DCAF10: variants seen among roughly 807,000 people sequenced by gnomAD.
DCAF10 encodes DDB1 and CUL4 associated factor 10.
DCAF10 carries 19 observed loss-of-function variants against 51.9 expected under a neutral mutation model. The observed-to-expected ratio is 0.37, with a 90% CI of 0.26 to 0.54. DCAF10 has a LOEUF of 0.54. Ranked by LOEUF, DCAF10 falls within the 20% of genes least tolerant of loss-of-function variation. The pLI is 0.87. For missense variants in DCAF10, 510 were observed against 730.6 expected (o/e 0.70, Z 3.48); for synonymous variants, 291 against 297.1 (o/e 0.98, Z 0.21).
intron 2 of DCAF10, among the ~76,000 whole-genome samples, chr9:37,823,847 C>T (rs1829775752): frequency 6.7e-6 from 1 of 149,970 alleles, no homozygotes; most frequent in African/African-American, 2.4e-5. Context: ...TCTTCAAAAT[C>T]CAGTTTGTAT....
intron 3 of DCAF10, among the ~76,000 whole-genome samples, chr9:37,851,866 C>CCGAAA (rs1554690129): frequency 0.023 from 3,461 of 150,856 alleles, 122 homozygotes; most frequent in African/African-American, 0.079. Flanking sequence ...GAAAAAGATA[C>CCGAAA]TGAAATGAAA....
chr9:37,803,159 A>T (rs374238163), intron 1 of DCAF10, among the ~76,000 whole-genome samples: 1 of 152,188 alleles, frequency 6.6e-6, no homozygotes, highest in South Asian at 2.1e-4. Context: ...CAATTAACAT[A>T]TATGCTCATT....
intron 2 of DCAF10, among the ~76,000 whole-genome samples, chr9:37,822,074 C>T (rs562641533): frequency 5.6e-4 from 85 of 152,246 alleles, no homozygotes; most frequent in African/African-American, 1.9e-3. Flanking sequence ...GCGATACCGC[C>T]TTACTCCTGT....
At chr9:37,824,543 G>A (rs1469161034) in intron 2 of DCAF10, among the ~76,000 whole-genome samples, 2 of 147,542 alleles carry the variant, frequency 1.4e-5, no homozygotes, top group Non-Finnish European at 3.0e-5. Flanking sequence ...TAAAAGGATA[G>A]TTTAAAAAAG....
intron 2 of DCAF10, among the ~76,000 whole-genome samples, chr9:37,837,044 G>C (rs111252908): frequency 0.19 from 29,061 of 152,122 alleles, 3,174 homozygotes; most frequent in African/African-American, 0.29. Context: ...ATGATCTTAA[G>C]AAATTACTAG....
chr9:37,857,159 G>T (rs1156286608), intron 4 of DCAF10, 82 bp from the exon 5 acceptor site: 2 of 1,106,732 alleles, frequency 1.8e-6, no homozygotes, highest in South Asian at 1.6e-5. Context: ...TTAAAACTAT[G>T]GTTCGAGTAG....
chr9:37,817,475 G>A (rs1829576782), intron 1 of DCAF10, among the ~76,000 whole-genome samples: 2 of 152,100 alleles, frequency 1.3e-5, no homozygotes, highest in South Asian at 2.1e-4. Flanking sequence ...GCGGGTGCCT[G>A]TAATCCCAGT....
Position 37,861,785 on chromosome 9 carries a change from T to C in DCAF10, c.*277T>C, listed in dbSNP as rs1831027048. The C allele has an allele frequency of 3.0e-6, 1 of 331,500 alleles. No individual in the cohort carries two copies. The highest frequency in any genetic ancestry group is 2.0e-5 in the African/African-American group (1 of 48,992). 20.5% of individuals were successfully genotyped at this position (331,500 alleles called of 1,614,324 possible). Reference sequence around the variant, plus strand: ...CAGTTCTTCTGGTCATTTTGCATGGTAGCTCTTGTCACGTTCCTTCCTTCC... The same window carrying C: ...CAGTTCTTCTGGTCATTTTGCATGGCAGCTCTTGTCACGTTCCTTCCTTCC... On this transcript the variant is annotated 3_prime_UTR_variant, in exon 7 of 7. Transcript: ENST00000377724. The surrounding 1 kb of genome is among the most constrained non-coding windows in gnomAD (Gnocchi z 4.9).
rs1828959134 is a variant in DCAF10 at position 37,801,811 on chromosome 9, A to G, written c.539+406A>G. 6.6e-6 allele frequency among the ~76,000 whole-genome samples: 1 copy of G among 152,178 alleles called. No individual in the cohort carries two copies. Among genetic ancestry groups the G allele is most frequent in the African/African-American group, 2.4e-5 (1 of 41,448 alleles). On this transcript the variant is annotated intron_variant, in intron 1 of 6. Coordinates refer to ENST00000377724, the MANE Select transcript of DCAF10 (RefSeq NM_024345.5). This position sits in a 1 kb window ranked among gnomAD's most constrained non-coding sequence, Gnocchi z 5.5. ...CTACCTAAACCTGTGTCGGGGTAGG[A>G]AAGCTGTAGATTCCTTGCACTCTGT... is the stretch of plus-strand genomic sequence containing the variant.
chr9:37,826,180 C>CTA (rs1323320622), intron 2 of DCAF10, among the ~76,000 whole-genome samples: 1 of 150,644 alleles, frequency 6.6e-6, no homozygotes, highest in African/African-American at 2.4e-5. Context: ...CCAGAATATA[C>CTA]AAGGGACTCC....
chr9:37,831,305 A>AT (rs1417796211), intron 2 of DCAF10, among the ~76,000 whole-genome samples: 1 of 152,182 alleles, frequency 6.6e-6, no homozygotes, highest in Admixed American at 6.5e-5. Flanking sequence ...ACTAACTTCC[A>AT]TTTTTTAATG....
At position 37,802,177 on chromosome 9, in the gene DCAF10, A is replaced by T. The variant is rs111310293; in HGVS notation, c.539+772A>T. On this transcript the variant is annotated intron_variant, in intron 1 of 6. Transcript: ENST00000377724. ...TGTTTACTCAGTTGTTCATTCATTCATTCTCTCATTCGGCGTATATTTGTT... is the reference window on the plus strand; with the variant it reads ...TGTTTACTCAGTTGTTCATTCATTCTTTCTCTCATTCGGCGTATATTTGTT... Among the ~76,000 whole-genome samples, 831 of 152,302 alleles carry T rather than the reference A, an allele frequency of 5.5e-3. 6 individuals carry two copies. Among genetic ancestry groups the T allele is most frequent in the Middle Eastern group, 0.024 (7 of 294 alleles).
chr9:37,821,950 C>T (rs1029604267), intron 2 of DCAF10, among the ~76,000 whole-genome samples: 1 of 151,540 alleles, frequency 6.6e-6, no homozygotes, highest in Non-Finnish European at 1.5e-5. Context: ...AAAAATTGGG[C>T]TAAGGAAATG....
chr9:37,814,127 T>TATATATTTGTTGTTG (rs1554685262), intron 1 of DCAF10, among the ~76,000 whole-genome samples: 1 of 100,634 alleles, frequency 9.9e-6, no homozygotes, highest in African/African-American at 4.1e-5. Flanking sequence ...TATATATATA[T>TATATATTTGTTGTTG]TTGTTGTTGT....
rs1178059149 is a variant in DCAF10, at chr9:37,867,504, T to C, written c.*5996T>C. 1 of 151,824 alleles carries C rather than the reference T, an allele frequency of 6.6e-6. No individual in the cohort carries two copies. The highest frequency in any genetic ancestry group is 6.6e-5 in the Admixed American group (1 of 15,180). The allele number at this position is 151,824 out of a possible 1,614,324, so 9.4% of individuals were successfully genotyped here. A position where few individuals can be genotyped will look rare whatever the true frequency, so the allele number is the denominator to read the frequency against. On this transcript the variant is annotated 3_prime_UTR_variant, in exon 7 of 7. Coordinates refer to ENST00000377724, the MANE Select transcript of DCAF10 (RefSeq NM_024345.5). Reference sequence around the variant, plus strand: ...GGAGTATTCCAGACAATATACTAGATACCCAGAAACTTTTCTCAGTAGGTT... The same window carrying C: ...GGAGTATTCCAGACAATATACTAGACACCCAGAAACTTTTCTCAGTAGGTT...
intron 2 of DCAF10, among the ~76,000 whole-genome samples, chr9:37,831,496 A>G (rs1483704464): frequency 6.6e-6 from 1 of 152,218 alleles, no homozygotes; most frequent in African/African-American, 2.4e-5. Flanking sequence ...ACTCAGTTCC[A>G]TTAGATCACC....
chr9:37,827,054 G>A (rs972357857), intron 2 of DCAF10, among the ~76,000 whole-genome samples: 1 of 152,022 alleles, frequency 6.6e-6, no homozygotes, highest in Non-Finnish European at 1.5e-5. Context: ...TCGAACTCCC[G>A]ACCTCAGGTG....
intron 4 of DCAF10, 87 bp downstream of exon 4, chr9:37,855,069 C>T (rs1564051934): frequency 7.8e-7 from 1 of 1,285,212 alleles, no homozygotes; most frequent in Non-Finnish European, 1.1e-6. Context: ...AAAATGATAG[C>T]AGGAAAAGGG....
At chr9:37,828,439 C>T (rs1829916071) in intron 2 of DCAF10, among the ~76,000 whole-genome samples, 1 of 151,546 alleles carries the variant, frequency 6.6e-6, no homozygotes, top group Non-Finnish European at 1.5e-5. Flanking sequence ...GCAAGACCCC[C>T]TCTCAGAAAA....
Sources: gnomAD v4.1 joint callset for allele counts (sites outside exome capture counted in the v4.1 genomes callset) on GRCh38, gnomAD v4.1.1 for gene constraint, Gnocchi (gnomAD v3.1) non-coding constraint, MANE v1.5 for transcripts, NCBI Gene and HGNC (gene_info 2026-07-23, HGNC 2026-07-21) for gene names.